Variants in ARHGEF28 observed in about 807,000 individuals in gnomAD.
ARHGEF28 encodes the protein Rho guanine nucleotide exchange factor 28, also known as 190 kDa guanine nucleotide exchange factor.
ARHGEF28 carries 152 observed loss-of-function variants against 206.6 expected under a neutral mutation model. The ratio of observed to expected loss-of-function variants is 0.74; its 90% CI spans 0.64 to 0.84. ARHGEF28 has a LOEUF of 0.84. ARHGEF28 is among the 40% of genes least tolerant of loss of function. The probability of loss-of-function intolerance (pLI) is 0.00; values close to 1 mark genes in which losing one functional copy is unlikely to be tolerated. For missense variants in ARHGEF28, 2,028 were observed against 2,073.2 expected (o/e 0.98, Z 0.42); for synonymous variants, 763 against 776.4 (o/e 0.98, Z 0.29).
chr5:73,639,150 CT>C (rs55964831), intron 1 of ARHGEF28, among the ~76,000 whole-genome samples: 144,794 of 151,424 alleles, frequency 0.96, 69,285 homozygotes, highest in East Asian at 1. Flanking sequence ...TGTACCATGT[CT>C]TAAGGCCAAA....
chr5:73,796,958 A>G (rs1754859303), intron 9 of ARHGEF28, among the ~76,000 whole-genome samples: 1 of 152,198 alleles, frequency 6.6e-6, no homozygotes. Flanking sequence ...GAGGTAGGCT[A>G]CTAAAAGTAT....
chr5:73,859,875 C>G (rs17634741), intron 16 of ARHGEF28, among the ~76,000 whole-genome samples: 5,152 of 152,248 alleles, frequency 0.034, 120 homozygotes, highest in South Asian at 0.073. Flanking sequence ...GTTGGGTAAT[C>G]TTCACCCACT....
intron 2 of ARHGEF28, among the ~76,000 whole-genome samples, chr5:73,701,212 A>G (rs1015565440): frequency 1.3e-5 from 2 of 152,198 alleles, no homozygotes; most frequent in African/African-American, 4.8e-5. Flanking sequence ...TTTGTTTTGA[A>G]GTGGGAACAC....
Position 73,661,429 on chromosome 5 carries a change from G to A in ARHGEF28, c.-11-23412G>A, listed in dbSNP as rs142972011. 9.9e-5 allele frequency among the ~76,000 whole-genome samples: 15 copies of A among 152,072 alleles called. 1 individual carries two copies. Among genetic ancestry groups the A allele is most frequent in the East Asian group, 9.7e-4 (5 of 5,164 alleles). ...AGGCTGTTTCACTTTCTTATCATTC[G>A]TGTGTTCCTGGAGAAGTACTTTTAA... On this transcript the variant is annotated intron_variant, in intron 1 of 35. Coordinates refer to ENST00000513042, the MANE Select transcript of ARHGEF28 (RefSeq NM_001177693.2).
At chr5:73,646,269 A>G (rs1184173392) in intron 1 of ARHGEF28, among the ~76,000 whole-genome samples, 1 of 152,096 alleles carries the variant, frequency 6.6e-6, no homozygotes, top group Non-Finnish European at 1.5e-5. Context: ...TAGTGTCTGG[A>G]TTGGTGCTAT....
intron 6 of ARHGEF28, among the ~76,000 whole-genome samples, chr5:73,779,112 T>C (rs1753692966): frequency 1.3e-5 from 2 of 152,220 alleles, no homozygotes; most frequent in South Asian, 4.1e-4. Context: ...GAAGCCATAC[T>C]TTCAGAGTTG....
intron 27 of ARHGEF28, among the ~76,000 whole-genome samples, chr5:73,892,947 T>C (rs1014885375): frequency 1.3e-5 from 2 of 152,184 alleles, no homozygotes; most frequent in Admixed American, 6.5e-5. Context: ...GTGGTGAGTG[T>C]ATGTTTGTGT....
chr5:73,919,231 G>A (rs78023096), intron 35 of ARHGEF28, among the ~76,000 whole-genome samples: 5,707 of 152,268 alleles, frequency 0.037, 171 homozygotes, highest in Admixed American at 0.099. Context: ...TTTCCTAAAC[G>A]TTGTTAGAAA....
At chr5:73,922,145 CTGTT>C (rs1046202677) in intron 35 of ARHGEF28, among the ~76,000 whole-genome samples, 40 of 152,330 alleles carry the variant, frequency 2.6e-4, no homozygotes, top group African/African-American at 9.1e-4. Context: ...TTCTCAAAGA[CTGTT>C]TGGCCCTTTA....
At chr5:73,670,346 T>C (rs1388226191) in intron 1 of ARHGEF28, among the ~76,000 whole-genome samples, 1 of 152,270 alleles carries the variant, frequency 6.6e-6, no homozygotes, top group Non-Finnish European at 1.5e-5. Flanking sequence ...TTTATTGATA[T>C]GTAGTATACA....
chr5:73,646,895 A>G (rs1744461546), intron 1 of ARHGEF28, among the ~76,000 whole-genome samples: 1 of 85,112 alleles, frequency 1.2e-5, no homozygotes, highest in South Asian at 5.4e-4. Context: ...TGTTCCTTCT[A>G]TTTTCTTGCC....
intron 26 of ARHGEF28, among the ~76,000 whole-genome samples, chr5:73,889,689 A>G (rs571958063): frequency 5.3e-5 from 8 of 152,352 alleles, no homozygotes; most frequent in African/African-American, 1.9e-4. Context: ...ATCTTCTCCT[A>G]CATTAGAGGT....
intron 2 of ARHGEF28, among the ~76,000 whole-genome samples, chr5:73,720,267 A>G (rs1213397202): frequency 1.3e-5 from 2 of 152,216 alleles, no homozygotes; most frequent in African/African-American, 2.4e-5. Flanking sequence ...AATAGACATG[A>G]CAGGTGGTCC....
In ARHGEF28 at chr5:73,901,532, G is replaced by A. The variant is rs1580072869; in HGVS notation, c.4074+248G>A. ...TATTAAAAAGATTAAAAACTCTCCT[G>A]TGTATATGTGTGTCTGTGCTCTCTG... On this transcript the variant is annotated intron_variant, in intron 31 of 35. Transcript: ENST00000513042. 4 of 282,422 alleles carry A rather than the reference G, an allele frequency of 1.4e-5. No individual in the cohort carries two copies. In the Admixed American group the frequency reaches 1.9e-4, roughly 13 times the overall value. 17.5% of individuals were successfully genotyped at this position (282,422 alleles called of 1,614,324 possible).
chr5:73,743,325 C>T (rs974831443), intron 2 of ARHGEF28, among the ~76,000 whole-genome samples: 3 of 152,154 alleles, frequency 2.0e-5, no homozygotes, highest in African/African-American at 7.2e-5. Context: ...GAGTGGTTCT[C>T]CTCTCTGGTA....
At chr5:73,681,623 T>G (rs1339677107) in intron 1 of ARHGEF28, among the ~76,000 whole-genome samples, 2 of 152,050 alleles carry the variant, frequency 1.3e-5, no homozygotes, top group Non-Finnish European at 2.9e-5. Flanking sequence ...GAGACAATCC[T>G]GGCCAACATA....
intron 1 of ARHGEF28, among the ~76,000 whole-genome samples, chr5:73,631,950 C>T (rs1474657863): frequency 6.6e-6 from 1 of 152,154 alleles, no homozygotes; most frequent in Non-Finnish European, 1.5e-5. Flanking sequence ...TTTTTACTTA[C>T]CACCTGTCCC....
intron 9 of ARHGEF28, among the ~76,000 whole-genome samples, chr5:73,823,855 G>A (rs1327139449): frequency 1.3e-5 from 2 of 152,138 alleles, no homozygotes; most frequent in African/African-American, 4.8e-5. Context: ...TGTGCCCTTG[G>A]GAAGTTACTT....
chr5:73,700,784 T>G (rs1172360776), intron 2 of ARHGEF28, among the ~76,000 whole-genome samples: 1 of 152,142 alleles, frequency 6.6e-6, no homozygotes, highest in East Asian at 1.9e-4. Context: ...AAAATTAAAT[T>G]CATCCCTGAG....
Sources: gnomAD v4.1 joint callset for allele counts (sites outside exome capture counted in the v4.1 genomes callset) on GRCh38, gnomAD v4.1.1 for gene constraint, MANE v1.5 for transcripts, NCBI Gene and HGNC (gene_info 2026-07-23, HGNC 2026-07-21) for gene names.